PPIL4: variants seen among roughly 807,000 people sequenced by gnomAD.
The protein encoded by PPIL4 is peptidylprolyl isomerase like 4, also known as peptidyl-prolyl cis-trans isomerase-like 4.
A neutral mutation model predicts 69.1 loss-of-function variants in PPIL4; 50 were observed. The ratio of observed to expected loss-of-function variants is 0.72; its 90% confidence interval spans 0.58 to 0.92. The LOEUF is 0.92. Ranked by LOEUF, PPIL4 falls within the 40% of genes least tolerant of loss-of-function variation. The pLI is 0.00. For synonymous variants in PPIL4, 193 were observed against 191.6 expected (o/e 1.01, Z -0.06); for missense variants, 480 against 587.9 (o/e 0.82, Z 1.90).
chr6:149,513,412 A>AAAAAAAAAATAT (rs1554215970), intron 11 of PPIL4, among the ~76,000 whole-genome samples: 1 of 55,328 alleles, frequency 1.8e-5, no homozygotes, highest in African/African-American at 7.6e-5. Flanking sequence ...AAAAAAAAAA[A>AAAAAAAAAATAT]ATATATATAT....
chr6:149,520,793 A>G (rs541034215), intron 10 of PPIL4, among the ~76,000 whole-genome samples: 1 of 152,268 alleles, frequency 6.6e-6, no homozygotes, highest in South Asian at 2.1e-4. Context: ...GCGGTGGATT[A>G]CCTGAGGTCA....
chr6:149,515,774 C>T (rs1286946572), intron 11 of PPIL4, among the ~76,000 whole-genome samples: 1 of 152,112 alleles, frequency 6.6e-6, no homozygotes, highest in African/African-American at 2.4e-5. Flanking sequence ...ACATCAAATC[C>T]CTCTCCCTTT....
In PPIL4 at chr6:149,521,955, T is replaced by C. The variant is rs577226632; in HGVS notation, c.871-784A>G. 2.3e-4 allele frequency among the ~76,000 whole-genome samples: 35 copies of C among 152,352 alleles called. No individual in the cohort carries two copies. In the South Asian group the frequency reaches 7.0e-3, roughly 31 times the overall value. ...ACTGACCAATTTTCTTTTACATTCC[T>C]GGAAACTTATTCTTACTAGAGATAA... is the stretch of plus-strand genomic sequence containing the variant. On this transcript the variant is annotated intron_variant, in intron 9 of 12. Coordinates refer to ENST00000253329, the MANE Select transcript of PPIL4 (RefSeq NM_139126.4).
chr6:149,522,676 G>A (rs1442316847), intron 9 of PPIL4, among the ~76,000 whole-genome samples: 3 of 152,078 alleles, frequency 2.0e-5, no homozygotes, highest in South Asian at 2.1e-4. Context: ...GCAGTGGTGC[G>A]ATGCTGGCTC....
At position 149,541,045 on chromosome 6, in the gene PPIL4, T is replaced by A. The variant is rs1342963537; in HGVS notation, c.218A>T (p.Asp73Val). 1 of 1,608,574 alleles carries A rather than the reference T, an allele frequency of 6.2e-7. No homozygotes were observed. The highest frequency in any genetic ancestry group is 1.1e-5 in the South Asian group (1 of 90,852). ...TTCTGCCTCAAAAAAGCTTGCTTGA[T>A]CACCATACAGTTGGCTGAAAAAACA... ...GESIFGQLYG[D>V]QASFFEAEKV... is the part of the protein sequence containing the mutation. The change falls in exon 4 of 13, where the codon GAT becomes GTT. Residue 73 changes from aspartate to valine, a missense_variant. Coordinates refer to ENST00000253329, the MANE Select transcript of PPIL4 (RefSeq NM_139126.4).
intron 9 of PPIL4, among the ~76,000 whole-genome samples, chr6:149,522,668 A>C (rs962590636): frequency 6.6e-6 from 1 of 152,116 alleles, no homozygotes; most frequent in African/African-American, 2.4e-5. Context: ...GTTGGAGTGC[A>C]GTGGTGCGAT....
intron 5 of PPIL4, among the ~76,000 whole-genome samples, chr6:149,535,292 C>T (rs1160341757): frequency 9.2e-5 from 14 of 152,150 alleles, no homozygotes; most frequent in Non-Finnish European, 2.9e-5. Flanking sequence ...GGAGACAGAG[C>T]TTGCAGTGAG....
chr6:149,522,261 T>A (rs967772107), intron 9 of PPIL4, among the ~76,000 whole-genome samples: 2 of 152,210 alleles, frequency 1.3e-5, no homozygotes, highest in African/African-American at 4.8e-5. Context: ...TTGCAAATAC[T>A]CAATTTACTT....
At chr6:149,513,611 T>C (rs1478652220) in intron 11 of PPIL4, among the ~76,000 whole-genome samples, 1 of 151,166 alleles carries the variant, frequency 6.6e-6, no homozygotes, top group Non-Finnish European at 1.5e-5. Flanking sequence ...GAAAGGTGTT[T>C]ATGAAAATTA....
chr6:149,536,071 T>C (rs1038604983), intron 4 of PPIL4, among the ~76,000 whole-genome samples: 11 of 152,248 alleles, frequency 7.2e-5, no homozygotes, highest in African/African-American at 2.7e-4. Context: ...TTCAAACTTT[T>C]TCATTACTAT....
Position 149,505,507 on chromosome 6 carries a change from GTCTC to G in PPIL4, c.1421_1424del (p.Arg474ThrfsTer21). 6.2e-7 allele frequency: 1 copy of G among 1,613,718 alleles called. No homozygotes were observed. Among genetic ancestry groups the G allele is most frequent in the Non-Finnish European group, 8.5e-7 (1 of 1,179,870 alleles). ...TGGACTTCTTTGGACTTCTGCTTCG[GTCTC>G]TCTTTTTACTCCTTTCTCTTTCATA... On this transcript the variant is annotated frameshift_variant, in exon 13 of 13. Coordinates refer to ENST00000253329, the MANE Select transcript of PPIL4 (RefSeq NM_139126.4). LOFTEE classifies it high-confidence loss of function.
At chr6:149,533,598 G>A (rs1445712237) in intron 6 of PPIL4, 24 bp from the exon 7 acceptor site, 20 of 1,311,004 alleles carry the variant, frequency 1.5e-5, no homozygotes, top group Non-Finnish European at 2.1e-5. Context: ...AGTTACTCAT[G>A]TATATATTTA....
intron 4 of PPIL4, among the ~76,000 whole-genome samples, chr6:149,539,085 G>A (rs915255550): frequency 2.6e-5 from 4 of 152,176 alleles, no homozygotes; most frequent in Admixed American, 2.0e-4. Context: ...GACCTCAGGT[G>A]ATCCGCCCCC....
At chr6:149,529,953 T>C (rs890958163) in intron 7 of PPIL4, among the ~76,000 whole-genome samples, 3 of 152,086 alleles carry the variant, frequency 2.0e-5, no homozygotes, top group Admixed American at 2.0e-4. Context: ...CAAAACTATA[T>C]AGACAGTAAA....
At chr6:149,529,123 CAA>C (rs1436459211) in intron 7 of PPIL4, among the ~76,000 whole-genome samples, 1 of 151,590 alleles carries the variant, frequency 6.6e-6, no homozygotes, top group Non-Finnish European at 1.5e-5. Flanking sequence ...CCCAGCTACT[CAA>C]GAGGCTGAGG....
chr6:149,510,469 C>T (rs1329465302), intron 12 of PPIL4, among the ~76,000 whole-genome samples: 3 of 152,122 alleles, frequency 2.0e-5, no homozygotes, highest in African/African-American at 7.2e-5. Context: ...CAGGGCCGGG[C>T]GCGGTGGCTC....
chr6:149,539,362 C>A (rs531916233), intron 4 of PPIL4, among the ~76,000 whole-genome samples: 8 of 152,224 alleles, frequency 5.3e-5, no homozygotes, highest in Non-Finnish European at 8.8e-5. Context: ...AGTCCATCAA[C>A]ATGGCAGACT....
At chr6:149,512,900 G>T (rs575211645) in intron 11 of PPIL4, among the ~76,000 whole-genome samples, 136 of 151,684 alleles carry the variant, frequency 9.0e-4, no homozygotes, top group Non-Finnish European at 1.3e-3. Context: ...ATGCCACCAC[G>T]CCTGACTAAT....
intron 5 of PPIL4, 34 bp from the exon 6 acceptor site, chr6:149,534,808 T>A: frequency 8.4e-7 from 1 of 1,194,050 alleles, no homozygotes; most frequent in East Asian, 2.4e-5. Context: ...ATGTTATACA[T>A]TGAAGTTATT....
Sources: gnomAD v4.1 joint callset for allele counts (sites outside exome capture counted in the v4.1 genomes callset) on GRCh38, gnomAD v4.1.1 for gene constraint, MANE v1.5 for transcripts, NCBI Gene and HGNC (gene_info 2026-07-23, HGNC 2026-07-21) for gene names.